BACH2: variants seen among roughly 807,000 people sequenced by gnomAD.
BACH2 encodes the protein BACH transcriptional regulator 2.
BACH2 carries 5 observed loss-of-function variants against 61.8 expected under a neutral mutation model. The observed-to-expected ratio is 0.08, with a 90% CI of 0.04 to 0.17. The LOEUF (loss-of-function observed/expected upper bound fraction) is 0.17. Among genes scored for constraint, BACH2 ranks in the 10% least tolerant of loss-of-function variants. BACH2 has a pLI of 1.00. For synonymous variants in BACH2, 446 were observed against 440.1 expected, an observed-to-expected ratio of 1.01 and a Z score of -0.17; for missense variants, 824 against 1,091.1, an observed-to-expected ratio of 0.76 and a Z score of 3.45.
At chr6:90,174,223 A>C (rs1767915359) in intron 4 of BACH2, among the ~76,000 whole-genome samples, 1 of 152,048 alleles carries the variant, frequency 6.6e-6, no homozygotes, top group Non-Finnish European at 1.5e-5. Context: ...AAGAAAAATA[A>C]TGTGTCTAAA....
intron 1 of BACH2, among the ~76,000 whole-genome samples, chr6:90,291,923 AG>A (rs1218309234): frequency 1.3e-5 from 2 of 152,222 alleles, no homozygotes; most frequent in Non-Finnish European, 2.9e-5. Context: ...TACCTCTGAC[AG>A]GGTCATATGT....
chr6:90,172,264 C>T (rs1355909425), intron 4 of BACH2, among the ~76,000 whole-genome samples: 2 of 148,552 alleles, frequency 1.3e-5, no homozygotes, highest in African/African-American at 2.5e-5. Context: ...CGAGATCATG[C>T]CATTGCACTA....
intron 4 of BACH2, among the ~76,000 whole-genome samples, chr6:90,118,251 A>G (rs773341338): frequency 2.8e-4 from 43 of 152,214 alleles, no homozygotes; most frequent in Non-Finnish European, 5.0e-4. Context: ...AACAGGGACA[A>G]TGGCTTCACA....
intron 5 of BACH2, among the ~76,000 whole-genome samples, chr6:90,040,024 CTTTTT>C (rs71556549): frequency 2.1e-5 from 3 of 139,658 alleles, no homozygotes; most frequent in African/African-American, 5.2e-5. Context: ...TTCTTTGTCA[CTTTTT>C]TTTTTTTTTG....
At chr6:90,115,026 A>G (rs1212410875) in intron 4 of BACH2, among the ~76,000 whole-genome samples, 1 of 152,206 alleles carries the variant, frequency 6.6e-6, no homozygotes, top group Non-Finnish European at 1.5e-5. Flanking sequence ...TAGAGAAGAC[A>G]CAAACAAATG....
intron 2 of BACH2, among the ~76,000 whole-genome samples, chr6:90,261,265 G>A (rs139874741): frequency 6.5e-4 from 99 of 152,222 alleles, no homozygotes; most frequent in Non-Finnish European, 4.4e-4. Flanking sequence ...CGTGCCATCA[G>A]ATCTGCTTAG....
At chr6:90,000,435 C>A (rs1162869380) in intron 6 of BACH2, among the ~76,000 whole-genome samples, 1 of 152,302 alleles carries the variant, frequency 6.6e-6, no homozygotes, top group African/African-American at 2.4e-5. Context: ...ACTAACGCAA[C>A]TTGGAAAATT....
intron 4 of BACH2, among the ~76,000 whole-genome samples, chr6:90,123,753 G>C (rs987195132): frequency 9.2e-6 from 1 of 108,720 alleles, no homozygotes; most frequent in Non-Finnish European, 1.7e-5. Flanking sequence ...CTGGGCGACA[G>C]AGCGAGACTC....
intron 4 of BACH2, among the ~76,000 whole-genome samples, chr6:90,097,640 C>CGATA (rs1463388720): frequency 6.6e-6 from 1 of 152,046 alleles, no homozygotes; most frequent in Non-Finnish European, 1.5e-5. Context: ...CTGTATTAGC[C>CGATA]GATATACTTT....
intron 5 of BACH2, among the ~76,000 whole-genome samples, chr6:90,031,049 C>T (rs991638977): frequency 1.4e-5 from 2 of 145,424 alleles, no homozygotes; most frequent in African/African-American, 5.3e-5. Context: ...GCTGGTTCAA[C>T]ATACGCAAAT....
At chr6:90,293,167 T>C (rs1284021667) in intron 1 of BACH2, among the ~76,000 whole-genome samples, 1 of 152,206 alleles carries the variant, frequency 6.6e-6, no homozygotes, top group Non-Finnish European at 1.5e-5. Context: ...GCACAGGTCT[T>C]ATGCCCATGA....
At chr6:90,111,867 C>G (rs1783187830) in intron 4 of BACH2, among the ~76,000 whole-genome samples, 1 of 152,206 alleles carries the variant, frequency 6.6e-6, no homozygotes, top group South Asian at 2.1e-4. Context: ...TAAGACAATA[C>G]TTGGAACACA....
At chr6:90,047,311 G>A (rs1009959833) in intron 5 of BACH2, among the ~76,000 whole-genome samples, 1 of 152,168 alleles carries the variant, frequency 6.6e-6, no homozygotes, top group Non-Finnish European at 1.5e-5. Context: ...GGCCTATAAT[G>A]TAACTGTTCT....
rs955333175 is a variant in BACH2 at position 90,017,186 on chromosome 6, A to AT, written c.-12-8331dup. 1.3e-3 allele frequency among the ~76,000 whole-genome samples: 200 copies of AT among 148,216 alleles called. 1 individual carries two copies. The highest frequency in any genetic ancestry group is 7.4e-4 in the Admixed American group (11 of 14,864). On this transcript the variant is annotated intron_variant, in intron 5 of 8. Coordinates refer to ENST00000257749, the MANE Select transcript of BACH2 (RefSeq NM_021813.4). The stretch of plus-strand genomic sequence containing the variant: ...TTTGTCCCGTCGCTCACAAATGCCC[A>AT]TTTTTTTTTTCTTTTGGTACTTTAA...
chr6:89,960,994 G>A (rs1261653994), intron 6 of BACH2, among the ~76,000 whole-genome samples: 1 of 152,148 alleles, frequency 6.6e-6, no homozygotes, highest in Non-Finnish European at 1.5e-5. Flanking sequence ...GAGAACTGGC[G>A]ACACCTTGGG....
intron 6 of BACH2, among the ~76,000 whole-genome samples, chr6:89,999,408 A>G (rs1777015428): frequency 6.6e-6 from 1 of 151,378 alleles, no homozygotes; most frequent in Non-Finnish European, 1.5e-5. Flanking sequence ...CGTGACCTAC[A>G]ATACCCTTGG....
chr6:90,092,118 C>T (rs553500086), intron 4 of BACH2, among the ~76,000 whole-genome samples: 130 of 151,654 alleles, frequency 8.6e-4, no homozygotes, highest in African/African-American at 2.6e-3. Context: ...CCATTAATAA[C>T]GCAAACGATT....
At chr6:90,070,463 G>GTGC (rs1398770220) in intron 5 of BACH2, among the ~76,000 whole-genome samples, 2 of 152,214 alleles carry the variant, frequency 1.3e-5, no homozygotes, top group Non-Finnish European at 2.9e-5. Flanking sequence ...GGCCAGATGA[G>GTGC]TGCTGAGTAC....
intron 2 of BACH2, among the ~76,000 whole-genome samples, chr6:90,258,295 T>G (rs1771049017): frequency 6.6e-6 from 1 of 152,190 alleles, no homozygotes; most frequent in Non-Finnish European, 1.5e-5. Context: ...AAATCCAGTT[T>G]TCTTAACATC....
Sources: gnomAD v4.1 joint callset for allele counts (sites outside exome capture counted in the v4.1 genomes callset) on GRCh38, gnomAD v4.1.1 for gene constraint, MANE v1.5 for transcripts, NCBI Gene and HGNC (gene_info 2026-07-23, HGNC 2026-07-21) for gene names.